USP7: variants seen among roughly 807,000 people sequenced by gnomAD.
The protein encoded by USP7 is ubiquitin specific peptidase 7.
A neutral mutation model predicts 162.9 loss-of-function variants in USP7; 9 were observed. The observed-to-expected ratio is 0.06, with a 90% CI of 0.03 to 0.10. USP7 has a LOEUF of 0.10. Among genes scored for constraint, USP7 ranks in the 10% least tolerant of loss-of-function variants. USP7 has a pLI of 1.00. For missense variants in USP7, 715 were observed against 1,373.7 expected (o/e 0.52, Z 7.58); for synonymous variants, 562 against 475.9 (o/e 1.18, Z -2.35).
intron 10 of USP7, among the ~76,000 whole-genome samples, chr16:8,913,824 C>T (rs769207546): frequency 2.0e-5 from 3 of 151,922 alleles, no homozygotes; most frequent in African/African-American, 4.8e-5. Context: ...AATCATGGCT[C>T]GCTGCAGACT....
chr16:8,936,309 C>T (rs1395513809), intron 1 of USP7, among the ~76,000 whole-genome samples: 2 of 152,130 alleles, frequency 1.3e-5, no homozygotes, highest in Admixed American at 6.5e-5. Context: ...CTCACCCCGC[C>T]CCCATCAGTT....
intron 1 of USP7, among the ~76,000 whole-genome samples, chr16:8,931,560 G>C (rs1898343983): frequency 6.6e-6 from 1 of 152,198 alleles, no homozygotes; most frequent in Admixed American, 6.5e-5. Context: ...AAGTGTTTAG[G>C]AAAGGATAAA....
intron 2 of USP7, among the ~76,000 whole-genome samples, chr16:8,927,632 T>G (rs1436546238): frequency 6.6e-6 from 1 of 151,852 alleles, no homozygotes; most frequent in Non-Finnish European, 1.5e-5. Context: ...GGTCAGGTGT[T>G]CAAGACCAGC....
At chr16:8,959,661 C>T (rs899825628) in intron 1 of USP7, among the ~76,000 whole-genome samples, 1 of 152,194 alleles carries the variant, frequency 6.6e-6, no homozygotes, top group Admixed American at 6.5e-5. Context: ...ACTTTTGTCT[C>T]GTTACAGTGC....
At chr16:8,928,521 A>C (rs537418100) in intron 2 of USP7, among the ~76,000 whole-genome samples, 60 of 152,226 alleles carry the variant, frequency 3.9e-4, no homozygotes, top group Non-Finnish European at 7.1e-4. Context: ...CAACACACTT[A>C]TCCCCTGAAG....
At chr16:8,909,164 T>C (rs577427642) in intron 11 of USP7, among the ~76,000 whole-genome samples, 71 of 152,340 alleles carry the variant, frequency 4.7e-4, no homozygotes, top group African/African-American at 1.6e-3. Flanking sequence ...CACTGCTCCA[T>C]CTTGGCCAGC....
At chr16:8,939,642 T>C (rs977906924) in intron 1 of USP7, among the ~76,000 whole-genome samples, 6 of 152,240 alleles carry the variant, frequency 3.9e-5, no homozygotes, top group Non-Finnish European at 8.8e-5. Context: ...AAACCATGAA[T>C]GTTTCACCTC....
Position 8,904,498 on chromosome 16 carries a change from C to T in USP7, c.1641G>A (p.Glu547=), listed in dbSNP as rs1306948354. 6.2e-7 allele frequency: 1 copy of T among 1,614,208 alleles called. No individual in the cohort carries two copies. The highest frequency in any genetic ancestry group is 8.5e-7 in the Non-Finnish European group (1 of 1,180,034). ...TCCGCTTCTGAGCCTCGATCCTTTT[C>T]TCTTCTTGTAATCGCTCCACCAACT... is the stretch of plus-strand genomic sequence containing the variant. The part of the protein sequence containing the change: ...PQQLVERLQE[E]KRIEAQKRKE... Residue 547 remains glutamate (E), a synonymous_variant, in exon 15 of 31, where the codon GAG becomes GAA. Transcript: ENST00000344836.
chr16:8,944,835 G>C (rs1210862351), intron 1 of USP7, among the ~76,000 whole-genome samples: 1 of 152,214 alleles, frequency 6.6e-6, no homozygotes, highest in African/African-American at 2.4e-5. Context: ...GCTGGACACA[G>C]TGGCTCATGC....
intron 10 of USP7, among the ~76,000 whole-genome samples, chr16:8,913,020 G>A (rs539832788): frequency 1.3e-5 from 2 of 152,224 alleles, no homozygotes; most frequent in East Asian, 1.9e-4. Flanking sequence ...CAGGCAGCCA[G>A]AATCAAACAA....
intron 10 of USP7, among the ~76,000 whole-genome samples, chr16:8,911,056 T>C (rs992450937): frequency 6.6e-6 from 1 of 152,214 alleles, no homozygotes; most frequent in African/African-American, 2.4e-5. Context: ...AATGACAATA[T>C]GGAGGTAACA....
chr16:8,942,185 C>G (rs1899077514), intron 1 of USP7, among the ~76,000 whole-genome samples: 1 of 152,258 alleles, frequency 6.6e-6, no homozygotes, highest in South Asian at 2.1e-4. Flanking sequence ...CTTAACTTCA[C>G]TCTAAAATGT....
chr16:8,926,980 C>T (rs1284216928), intron 2 of USP7, among the ~76,000 whole-genome samples: 1 of 152,164 alleles, frequency 6.6e-6, no homozygotes, highest in Non-Finnish European at 1.5e-5. Flanking sequence ...TTTTATCCTC[C>T]CAGGGCAAAG....
intron 2 of USP7, among the ~76,000 whole-genome samples, chr16:8,924,231 A>T (rs1897867310): frequency 6.6e-6 from 1 of 152,232 alleles, no homozygotes. Flanking sequence ...ACCCTGCAGC[A>T]TCTTACTGCT....
intron 12 of USP7, 102 bp from the exon 13 acceptor site, chr16:8,906,684 A>G: frequency 8.2e-7 from 1 of 1,219,392 alleles, no homozygotes; most frequent in African/African-American, 1.5e-5. Flanking sequence ...CATCTTTAAT[A>G]GGATAAGCAT....
chr16:8,915,183 G>T, intron 10 of USP7, 71 bp downstream of exon 10: 1 of 1,369,900 alleles, frequency 7.3e-7, no homozygotes, highest in Non-Finnish European at 1.0e-6. Flanking sequence ...AACATCACTT[G>T]TGTAAATGAA....
Position 8,897,700 on chromosome 16 carries a change from A to C in USP7, c.2719-601T>G, listed in dbSNP as rs1253912974. Among the ~76,000 whole-genome samples the C allele has an allele frequency of 2.5e-4, 7 of 28,324 alleles. 1 individual carries two copies. Among genetic ancestry groups the C allele is most frequent in the East Asian group, 1.6e-3 (1 of 626 alleles). The allele number at this position is 28,324 out of a possible 152,430, so 18.6% of individuals were successfully genotyped here. A position where few individuals can be genotyped will look rare whatever the true frequency, so the allele number is the denominator to read the frequency against. On this transcript the variant is annotated intron_variant, in intron 25 of 30. Coordinates refer to ENST00000344836, the MANE Select transcript of USP7 (RefSeq NM_003470.3). ...AATATAGTGAGACCCTGTCTCTACA[A>C]AAAAAAAAAAAAAAAAAAAAAAAAA...
intron 1 of USP7, among the ~76,000 whole-genome samples, chr16:8,941,572 T>C (rs779899716): frequency 1.3e-4 from 20 of 152,236 alleles, no homozygotes; most frequent in Non-Finnish European, 2.5e-4. Flanking sequence ...CCACGCACGA[T>C]AGCAACATCA....
intron 1 of USP7, among the ~76,000 whole-genome samples, chr16:8,934,955 A>G (rs2437715): frequency 0.99 from 150,703 of 152,352 alleles, 74,557 homozygotes; most frequent in East Asian, 1. Context: ...GTAAATCCCT[A>G]GTCCAGAAGT....
Sources: allele counts gnomAD v4.1 joint callset (sites outside exome capture counted in the v4.1 genomes callset), GRCh38; gene constraint gnomAD v4.1.1; transcripts MANE v1.5; gene names NCBI Gene and HGNC (gene_info 2026-07-23, HGNC 2026-07-21).